Variants in ZNRF2 observed in about 807,000 individuals in gnomAD.
The protein encoded by ZNRF2 is E3 ubiquitin-protein ligase ZNRF2.
In ZNRF2, 16 loss-of-function variants were observed where a neutral mutation model predicts 20.4. That is an observed-to-expected ratio of 0.79 (90% CI 0.53 to 1.19). The LOEUF (loss-of-function observed/expected upper bound fraction) is 1.19, where lower values mean the gene tolerates loss of function less well. Among genes scored for constraint, ZNRF2 ranks in the 50% most tolerant of loss-of-function variants. The probability of loss-of-function intolerance (pLI) is 0.00; values close to 1 mark genes in which losing one functional copy is unlikely to be tolerated. For synonymous variants in ZNRF2, 178 were observed against 144.9 expected (o/e 1.23, Z -1.64); for missense variants, 363 against 332.4 (o/e 1.09, Z -0.72).
intron 1 of ZNRF2, among the ~76,000 whole-genome samples, chr7:30,301,722 A>T (rs1487682765): frequency 1.3e-5 from 2 of 149,282 alleles, no homozygotes; most frequent in Non-Finnish European, 3.0e-5. Context: ...AAAAAAAAAA[A>T]ACTTATCTTT....
chr7:30,325,620 A>G (rs917031365), intron 2 of ZNRF2, among the ~76,000 whole-genome samples: 1 of 152,182 alleles, frequency 6.6e-6, no homozygotes, highest in Non-Finnish European at 1.5e-5. Context: ...AAGTTGATCT[A>G]AGAATCAGTC....
At chr7:30,319,871 C>T (rs1290594687) in intron 1 of ZNRF2, among the ~76,000 whole-genome samples, 1 of 152,174 alleles carries the variant, frequency 6.6e-6, no homozygotes, top group Non-Finnish European at 1.5e-5. Context: ...CTTTTATACA[C>T]CAAGATGATC....
In ZNRF2 at chr7:30,285,357, C is replaced by T. The variant is rs1410119827; in HGVS notation, c.-1C>T. ...CGGGCCCGGCCCGGGGCAGGGCGGA[C>T]ATGGGCGCCAAACAGAGCGGCCCGG... On this transcript the variant is annotated 5_prime_UTR_variant, in exon 1 of 5. Transcript: ENST00000323037. 6.8e-6 allele frequency: 8 copies of T among 1,179,532 alleles called. No homozygotes were observed. The highest frequency in any genetic ancestry group is 8.5e-6 in the Non-Finnish European group (8 of 945,516). 73.1% of individuals were successfully genotyped at this position (1,179,532 alleles called of 1,614,324 possible).
At chr7:30,304,456 T>C (rs1388997244) in intron 1 of ZNRF2, among the ~76,000 whole-genome samples, 1 of 152,218 alleles carries the variant, frequency 6.6e-6, no homozygotes, top group Non-Finnish European at 1.5e-5. Context: ...GCAAGTGATA[T>C]GGCTTGTAAA....
chr7:30,303,440 T>A (rs1379053690), intron 1 of ZNRF2, among the ~76,000 whole-genome samples: 2 of 152,156 alleles, frequency 1.3e-5, no homozygotes, highest in African/African-American at 4.8e-5. Flanking sequence ...TGGGCTCCAC[T>A]CCAAGTTTCT....
In ZNRF2 at chr7:30,337,017, A is replaced by T. The variant is rs145179395; in HGVS notation, c.565+13280A>T. 3.3e-4 allele frequency among the ~76,000 whole-genome samples: 51 copies of T among 152,320 alleles called. 1 individual carries two copies. The highest frequency in any genetic ancestry group is 1.7e-3 in the South Asian group (8 of 4,830). On this transcript the variant is annotated intron_variant, in intron 2 of 4. Transcript: ENST00000323037. The stretch of plus-strand genomic sequence containing the variant: ...TTCTGTTTGATCTACATAGTCTGAC[A>T]AATTTAAAAAGTTTATTAAAGCATC...
chr7:30,344,122 A>G (rs1463931480), intron 2 of ZNRF2, among the ~76,000 whole-genome samples: 2 of 151,332 alleles, frequency 1.3e-5, no homozygotes, highest in African/African-American at 2.4e-5. Flanking sequence ...GGGTTTCAGC[A>G]TGTTGGCGAG....
chr7:30,314,350 G>A (rs762288206), intron 1 of ZNRF2, among the ~76,000 whole-genome samples: 1 of 152,096 alleles, frequency 6.6e-6, no homozygotes, highest in East Asian at 1.9e-4. Flanking sequence ...GTACAACATA[G>A]CATCACAGTG....
At chr7:30,303,585 G>GAT (rs1269611861) in intron 1 of ZNRF2, among the ~76,000 whole-genome samples, 1 of 152,174 alleles carries the variant, frequency 6.6e-6, no homozygotes, top group African/African-American at 2.4e-5. Context: ...CATAGACTAT[G>GAT]ATAAACTGTG....
At chr7:30,292,812 G>A (rs1332279454) in intron 1 of ZNRF2, among the ~76,000 whole-genome samples, 3 of 152,322 alleles carry the variant, frequency 2.0e-5, no homozygotes, top group Middle Eastern at 3.4e-3. Flanking sequence ...TAGAAGATGA[G>A]AGCATAGTGG....
chr7:30,303,263 CAAAAA>C (rs747523201), intron 1 of ZNRF2, among the ~76,000 whole-genome samples: 1 of 107,074 alleles, frequency 9.3e-6, no homozygotes, highest in African/African-American at 3.5e-5. Context: ...GATCCTGTCT[CAAAAA>C]AAAAAAAAAG....
At chr7:30,320,147 T>C (rs188847742) in intron 1 of ZNRF2, among the ~76,000 whole-genome samples, 1 of 152,238 alleles carries the variant, frequency 6.6e-6, no homozygotes, top group East Asian at 1.9e-4. Flanking sequence ...CCCATTTTTT[T>C]CCAAGAGCTC....
intron 2 of ZNRF2, among the ~76,000 whole-genome samples, chr7:30,347,385 G>C (rs1799894741): frequency 6.6e-6 from 1 of 152,080 alleles, no homozygotes; most frequent in African/African-American, 2.4e-5. Flanking sequence ...GCTTCTTTCT[G>C]GTGCTTTCAG....
intron 3 of ZNRF2, among the ~76,000 whole-genome samples, chr7:30,362,146 T>C (rs542861985): frequency 6.6e-6 from 1 of 152,372 alleles, no homozygotes; most frequent in East Asian, 1.9e-4. Context: ...GTAGTTCTGT[T>C]TGAACTTTAA....
intron 1 of ZNRF2, among the ~76,000 whole-genome samples, chr7:30,305,279 T>C (rs556254869): frequency 2.6e-5 from 4 of 152,348 alleles, no homozygotes; most frequent in African/African-American, 9.6e-5. Context: ...TTTGAGATAC[T>C]GATTGTCTTT....
chr7:30,316,584 T>G (rs1399804783), intron 1 of ZNRF2, among the ~76,000 whole-genome samples: 2 of 152,218 alleles, frequency 1.3e-5, no homozygotes, highest in Non-Finnish European at 2.9e-5. Context: ...TCTGCTATAT[T>G]GTGTTATTGG....
chr7:30,309,311 A>G (rs1217374274), intron 1 of ZNRF2, among the ~76,000 whole-genome samples: 2 of 152,188 alleles, frequency 1.3e-5, no homozygotes, highest in Non-Finnish European at 2.9e-5. Flanking sequence ...TCAAATTTAG[A>G]TTTCTTAAAG....
intron 1 of ZNRF2, among the ~76,000 whole-genome samples, chr7:30,301,121 A>C (rs939007649): frequency 6.6e-6 from 1 of 152,204 alleles, no homozygotes; most frequent in Non-Finnish European, 1.5e-5. Flanking sequence ...TGGATTGAGA[A>C]AAACAACTGG....
intron 1 of ZNRF2, among the ~76,000 whole-genome samples, chr7:30,308,461 A>G (rs1457041812): frequency 6.6e-6 from 1 of 152,212 alleles, no homozygotes; most frequent in East Asian, 1.9e-4. Context: ...TGGTGGTGTC[A>G]TCTGTGTGAG....
Sources: allele counts gnomAD v4.1 joint callset (sites outside exome capture counted in the v4.1 genomes callset), GRCh38; gene constraint gnomAD v4.1.1; transcripts MANE v1.5; gene names NCBI Gene and HGNC (gene_info 2026-07-23, HGNC 2026-07-21).